Variants in POTEB3 observed in about 807,000 individuals in gnomAD.
POTEB3 encodes POTE ankyrin domain family member B3.
A neutral mutation model predicts 39.8 loss-of-function variants in POTEB3; 5 were observed. The observed-to-expected ratio is 0.13, with a 90% CI of 0.07 to 0.26. The LOEUF is 0.26. POTEB3 is among the 10% of genes least tolerant of loss of function. POTEB3 has a pLI of 1.00. For missense variants in POTEB3, 24 were observed against 475.6 expected, an observed-to-expected ratio of 0.05 and a Z score of 8.83; for synonymous variants, 5 against 161.5, an observed-to-expected ratio of 0.03 and a Z score of 7.35.
intron 6 of POTEB3, among the ~76,000 whole-genome samples, chr15:21,427,096 AT>A (rs55880453): frequency 0.15 from 19,138 of 128,662 alleles, 115 homozygotes; most frequent in East Asian, 0.21. Flanking sequence ...CCTTACTTTT[AT>A]TTTTTTATCT....
In POTEB3 at chr15:21,417,553, C is replaced by G. The variant is rs1898427037; in HGVS notation, c.1409+1911G>C. Among the ~76,000 whole-genome samples the G allele has an allele frequency of 2.7e-5, 2 of 75,280 alleles. 1 individual carries two copies. Among genetic ancestry groups the G allele is most frequent in the Admixed American group, 2.1e-4 (2 of 9,354 alleles). 49.4% of individuals were successfully genotyped at this position (75,280 alleles called of 152,430 possible). On this transcript the variant is annotated intron_variant, in intron 9 of 10. Coordinates refer to ENST00000611217, the MANE Select transcript of POTEB3 (RefSeq NM_207355.5). ...TTAAAACTATAGAACTAAAAGTTGCCTTGACCATTTCTAGATTACATAAGC... is the reference window on the plus strand; with the variant it reads ...TTAAAACTATAGAACTAAAAGTTGCGTTGACCATTTCTAGATTACATAAGC...
At position 21,419,463 on chromosome 15, in the gene POTEB3, C is replaced by A. The variant is rs1394413496; in HGVS notation, c.1409+1G>T. The A allele has an allele frequency of 6.6e-6, 5 of 759,870 alleles. 2 individuals are homozygous for A. Among genetic ancestry groups the A allele is most frequent in the Non-Finnish European group, 5.5e-6 (3 of 546,410 alleles). 47.1% of individuals were successfully genotyped at this position (759,870 alleles called of 1,614,324 possible). A position where few individuals can be genotyped will look rare whatever the true frequency, so the allele number is the denominator to read the frequency against. ...CATATAGTTATCTCCTATAGGCTTACCTGTGATACTCTTCATTCTCAGTGT... is the reference window on the plus strand; with the variant it reads ...CATATAGTTATCTCCTATAGGCTTAACTGTGATACTCTTCATTCTCAGTGT... On this transcript the variant is annotated splice_donor_variant, in intron 9 of 10. Transcript: ENST00000611217. LOFTEE classifies it high-confidence loss of function.
chr15:21,422,762 T>A (rs1430553689), intron 6 of POTEB3, among the ~76,000 whole-genome samples: 1 of 151,534 alleles, frequency 6.6e-6, no homozygotes, highest in Non-Finnish European at 1.5e-5. Flanking sequence ...AAATTCTTGT[T>A]TTCCCTCAAT....
chr15:21,434,092 C>G (rs1318785116), intron 3 of POTEB3, among the ~76,000 whole-genome samples: 1 of 142,028 alleles, frequency 7.0e-6, no homozygotes, highest in Non-Finnish European at 1.5e-5. Context: ...AAAAAAAAAC[C>G]TCTTCATGGT....
At position 21,413,544 on chromosome 15, in the gene POTEB3, A is replaced by ATG. The variant is rs1898356097; in HGVS notation, c.1410-2544_1410-2543insCA. 1.1e-4 allele frequency among the ~76,000 whole-genome samples: 3 copies of ATG among 27,654 alleles called. 1 individual carries two copies. The highest frequency in any genetic ancestry group is 1.7e-4 in the Non-Finnish European group (3 of 17,646). 18.1% of individuals were successfully genotyped at this position (27,654 alleles called of 152,430 possible). A position where few individuals can be genotyped will look rare whatever the true frequency, so the allele number is the denominator to read the frequency against. ...TATATATATATATATATATATATATATATATATATGTATGTATGTATGTAT... is the reference window on the plus strand; with the variant it reads ...TATATATATATATATATATATATATATGTATATATATGTATGTATGTATGTAT... On this transcript the variant is annotated intron_variant, in intron 9 of 10. Transcript: ENST00000611217.
intron 6 of POTEB3, among the ~76,000 whole-genome samples, chr15:21,423,292 G>C (rs1277022080): frequency 4.3e-5 from 4 of 93,250 alleles, no homozygotes; most frequent in African/African-American, 1.2e-4. Flanking sequence ...GTAGAGATGG[G>C]GTTTCACCAT....
In POTEB3 at chr15:21,408,009, G is replaced by GT. The variant is rs1898249241; in HGVS notation, c.*973dup. 1.3e-4 allele frequency among the ~76,000 whole-genome samples: 10 copies of GT among 76,510 alleles called. No homozygotes were observed. The allele number at this position is 76,510 out of a possible 152,430, so 50.2% of individuals were successfully genotyped here. On this transcript the variant is annotated 3_prime_UTR_variant, in exon 11 of 11. Coordinates refer to ENST00000611217, the MANE Select transcript of POTEB3 (RefSeq NM_207355.5). The stretch of plus-strand genomic sequence containing the variant: ...CCTGGGGGCTACACCCCAGAGAGGT[G>GT]TAAGTTAGGAGTTACTTAATGTAAT...
rs1435385305 is a variant in POTEB3, at chr15:21,433,710, T to A, written c.810+951A>T. On this transcript the variant is annotated intron_variant, in intron 3 of 10. Transcript: ENST00000611217. ...AACTCAAAATCCAACCTGATCTTTT[T>A]ACTTATAAGCCCCTTATCTCCCACC... is the stretch of plus-strand genomic sequence containing the variant. 4.3e-3 allele frequency among the ~76,000 whole-genome samples: 647 copies of A among 148,970 alleles called. 2 individuals are homozygous for A. Among genetic ancestry groups the A allele is most frequent in the African/African-American group, 0.016 (619 of 39,834 alleles).
Position 21,407,967 on chromosome 15 carries a change from C to T in POTEB3, c.*1016G>A, listed in dbSNP as rs1359258163. 1.5e-4 allele frequency among the ~76,000 whole-genome samples: 11 copies of T among 74,946 alleles called. 5 individuals are homozygous for T. In the African/African-American group the frequency reaches 1.6e-3, roughly 11 times the overall value. 49.2% of individuals were successfully genotyped at this position (74,946 alleles called of 152,430 possible). On this transcript the variant is annotated 3_prime_UTR_variant, in exon 11 of 11. Coordinates refer to ENST00000611217, the MANE Select transcript of POTEB3 (RefSeq NM_207355.5). Reference sequence around the variant, plus strand: ...CTCCACATCAGCTGACTTGCTGCTCCACCACTTTCCTTGTCTCCTGGGGGC... The same window carrying T: ...CTCCACATCAGCTGACTTGCTGCTCTACCACTTTCCTTGTCTCCTGGGGGC...
chr15:21,422,633 A>G (rs2141352115), intron 6 of POTEB3, among the ~76,000 whole-genome samples: 1 of 139,684 alleles, frequency 7.2e-6, no homozygotes, highest in Non-Finnish European at 1.6e-5. Context: ...GAGAAGCCAG[A>G]GCCCACAGGT....
At chr15:21,417,887 G>T (rs1260565036) in intron 9 of POTEB3, among the ~76,000 whole-genome samples, 3 of 108,482 alleles carry the variant, frequency 2.8e-5, no homozygotes, top group Admixed American at 8.3e-5. Flanking sequence ...CACATGCTGG[G>T]CACTTTTATA....
chr15:21,425,080 C>T (rs1283171055), intron 6 of POTEB3: 1 of 145,778 alleles, frequency 6.9e-6, no homozygotes, highest in Non-Finnish European at 1.5e-5. Context: ...TACATTGATA[C>T]TAGTCCAAGG....
intron 6 of POTEB3, chr15:21,424,921 G>C (rs1595361524): frequency 6.9e-6 from 1 of 145,902 alleles, no homozygotes; most frequent in East Asian, 2.0e-4. Context: ...TTACAAAAAA[G>C]CCTTCCAACT....
At chr15:21,417,966 C>T (rs1170635392) in intron 9 of POTEB3, among the ~76,000 whole-genome samples, 1 of 104,918 alleles carries the variant, frequency 9.5e-6, no homozygotes, top group East Asian at 2.3e-4. Context: ...ACCTGTGGGC[C>T]AAATCCAGGC....
chr15:21,420,523 A>C, intron 8 of POTEB3, 151 bp downstream of exon 8: 1 of 56,846 alleles, frequency 1.8e-5, no homozygotes. Flanking sequence ...CTCAATGTAC[A>C]GAATTCTTTC....
Position 21,440,394 on chromosome 15 carries a change from C to A in POTEB3, c.-383G>T. 1 of 321,644 alleles carries A rather than the reference C, an allele frequency of 3.1e-6. No individual in the cohort carries two copies. The highest frequency in any genetic ancestry group is 5.5e-6 in the Non-Finnish European group (1 of 181,964). 19.9% of individuals were successfully genotyped at this position (321,644 alleles called of 1,614,324 possible). Reference sequence around the variant, plus strand: ...CAGGCAAAGCTACTAACAGCCAAGCCAAGCTAGGAACGCAAGGCCAAGCGA... The same window carrying A: ...CAGGCAAAGCTACTAACAGCCAAGCAAAGCTAGGAACGCAAGGCCAAGCGA... On this transcript the variant is annotated 5_prime_UTR_variant, in exon 1 of 11. Coordinates refer to ENST00000611217, the MANE Select transcript of POTEB3 (RefSeq NM_207355.5).
intron 4 of POTEB3, among the ~76,000 whole-genome samples, chr15:21,431,016 G>A (rs1898941508): frequency 6.6e-6 from 1 of 150,676 alleles, no homozygotes; most frequent in Non-Finnish European, 1.5e-5. Context: ...CACGTAGCAA[G>A]TAAGAAAGTT....
chr15:21,426,442 A>G (rs1898712214), intron 6 of POTEB3, among the ~76,000 whole-genome samples: 1 of 149,520 alleles, frequency 6.7e-6, no homozygotes, highest in South Asian at 2.1e-4. Flanking sequence ...CAATGATAAT[A>G]ACAAGCTCCT....
chr15:21,434,296 T>C (rs1417176485), intron 3 of POTEB3, among the ~76,000 whole-genome samples: 3 of 132,754 alleles, frequency 2.3e-5, no homozygotes, highest in Admixed American at 1.5e-4. Context: ...TGAAACATGT[T>C]TAAGTTTTCT....
Sources: allele counts gnomAD v4.1 joint callset (sites outside exome capture counted in the v4.1 genomes callset), GRCh38; gene constraint gnomAD v4.1.1; transcripts MANE v1.5; gene names NCBI Gene and HGNC (gene_info 2026-07-23, HGNC 2026-07-21).